KLF3: variants seen among roughly 807,000 people sequenced by gnomAD.
KLF3 encodes KLF transcription factor 3, also known as Krueppel-like factor 3.
A neutral mutation model predicts 32.7 loss-of-function variants in KLF3; 6 were observed. The ratio of observed to expected loss-of-function variants is 0.18; its 90% CI spans 0.10 to 0.36. The LOEUF (loss-of-function observed/expected upper bound fraction) is 0.36, where lower values mean the gene tolerates loss of function less well. KLF3 is among the 10% of genes least tolerant of loss of function. KLF3 has a pLI of 1.00. For missense variants in KLF3, 338 were observed against 449.7 expected (o/e 0.75, Z 2.25); for synonymous variants, 145 against 172.8 (o/e 0.84, Z 1.26).
At chr4:38,668,023 T>G (rs1722094110) in intron 1 of KLF3, among the ~76,000 whole-genome samples, 1 of 152,216 alleles carries the variant, frequency 6.6e-6, no homozygotes. Context: ...TTCCAACCCG[T>G]TTTTAAGAAT....
At chr4:38,689,707 C>G (rs776148630) in intron 3 of KLF3, 22 bp from the exon 4 acceptor site, 1 of 1,552,456 alleles carries the variant, frequency 6.4e-7, no homozygotes, top group Admixed American at 2.0e-5. Flanking sequence ...CGTGAAGTGA[C>G]TTTTCTATTT....
intron 4 of KLF3, 97 bp from the exon 5 acceptor site, chr4:38,694,649 T>A (rs946761999): frequency 9.6e-7 from 1 of 1,043,558 alleles, no homozygotes; most frequent in Non-Finnish European, 1.4e-6. Context: ...ATTTTTTGTT[T>A]GTTTGTTTTT....
intron 4 of KLF3, among the ~76,000 whole-genome samples, chr4:38,693,530 C>T (rs1408742691): frequency 6.6e-6 from 1 of 151,924 alleles, no homozygotes; most frequent in African/African-American, 2.4e-5. Flanking sequence ...TTCTTTTATT[C>T]TTTTTTTAAG....
chr4:38,678,365 C>T (rs1382588047), intron 1 of KLF3, among the ~76,000 whole-genome samples: 2 of 152,156 alleles, frequency 1.3e-5, no homozygotes, highest in Non-Finnish European at 2.9e-5. Context: ...GACACAAAAG[C>T]GTTTTCATCC....
intron 2 of KLF3, among the ~76,000 whole-genome samples, chr4:38,686,232 C>T (rs1210307541): frequency 4.0e-5 from 6 of 151,814 alleles, no homozygotes; most frequent in Non-Finnish European, 5.9e-5. Flanking sequence ...ATCACTTGAG[C>T]CCAAGAGTAC....
chr4:38,694,021 A>G (rs111540427), intron 4 of KLF3, among the ~76,000 whole-genome samples: 2 of 152,328 alleles, frequency 1.3e-5, no homozygotes, highest in African/African-American at 4.8e-5. Flanking sequence ...GTGAGCCAGC[A>G]TCATGGGTGA....
In KLF3 at chr4:38,694,804, G is replaced by A. The variant is rs1723001844; in HGVS notation, c.754G>A (p.Asp252Asn). The A allele has an allele frequency of 1.9e-6, 3 of 1,605,876 alleles. No homozygotes were observed. The highest frequency in any genetic ancestry group is 1.7e-5 in the Admixed American group (1 of 57,852). Residue 252 changes from aspartate (D) to asparagine (N), a missense_variant, in exon 5 of 6, where the codon GAT (aspartate) becomes AAT (asparagine). Asp to Asn is a conservative substitution (Grantham distance 23). This residue lies in a region of KLF3 where 66 missense variants were observed against 136.2 expected (regional missense o/e 0.48). Transcript: ENST00000261438. ...GAGACCTTTACCTGTGGAATCCCCG[G>A]ATACTCAAAGGAAGCGGAGGATACA... ...GKRPLPVESP[D>N]TQRKRRIHRC... is the part of the protein sequence containing the mutation.
intron 1 of KLF3, among the ~76,000 whole-genome samples, chr4:38,677,207 C>T (rs868666954): frequency 1.3e-4 from 20 of 152,032 alleles, no homozygotes; most frequent in East Asian, 1.9e-4. Context: ...GTGATCCACC[C>T]GCCTCGGCCT....
At chr4:38,665,613 T>A (rs1209051907) in intron 1 of KLF3, among the ~76,000 whole-genome samples, 5 of 152,238 alleles carry the variant, frequency 3.3e-5, no homozygotes, top group Non-Finnish European at 7.3e-5. Context: ...TACTCAGAAT[T>A]TATGTTTCCA....
At chr4:38,675,156 T>C (rs1722305596) in intron 1 of KLF3, among the ~76,000 whole-genome samples, 1 of 152,234 alleles carries the variant, frequency 6.6e-6, no homozygotes, top group African/African-American at 2.4e-5. Context: ...TTGACCCTTA[T>C]TTTAACATCT....
chr4:38,675,103 C>G (rs1399916123), intron 1 of KLF3, among the ~76,000 whole-genome samples: 1 of 152,202 alleles, frequency 6.6e-6, no homozygotes, highest in Non-Finnish European at 1.5e-5. Flanking sequence ...ATTCACCAAC[C>G]CTTTTAATCT....
intron 2 of KLF3, among the ~76,000 whole-genome samples, chr4:38,682,441 C>A (rs749395448): frequency 6.6e-6 from 1 of 152,170 alleles, no homozygotes; most frequent in Non-Finnish European, 1.5e-5. Context: ...TACATGATCA[C>A]GTTAGAGGAA....
At chr4:38,683,618 G>T (rs547202353) in intron 2 of KLF3, among the ~76,000 whole-genome samples, 21 of 150,430 alleles carry the variant, frequency 1.4e-4, no homozygotes, top group African/African-American at 4.6e-4. Flanking sequence ...AAAAAAATGC[G>T]CATGTACATA....
intron 1 of KLF3, among the ~76,000 whole-genome samples, chr4:38,676,789 A>G (rs1415677200): frequency 6.6e-6 from 1 of 152,118 alleles, no homozygotes; most frequent in Non-Finnish European, 1.5e-5. Flanking sequence ...AAAAATAGGT[A>G]TTCTAATCCT....
At chr4:38,683,226 A>G (rs1722581958) in intron 2 of KLF3, among the ~76,000 whole-genome samples, 1 of 152,224 alleles carries the variant, frequency 6.6e-6, no homozygotes, top group Non-Finnish European at 1.5e-5. Context: ...CATTTGTAAA[A>G]GTATTTTTAA....
At chr4:38,672,916 C>T (rs1208690644) in intron 1 of KLF3, among the ~76,000 whole-genome samples, 2 of 151,118 alleles carry the variant, frequency 1.3e-5, no homozygotes, top group Non-Finnish European at 3.0e-5. Flanking sequence ...TCTAGGTTTC[C>T]ATGGTGAAGG....
chr4:38,678,238 G>A (rs557292555), intron 1 of KLF3, among the ~76,000 whole-genome samples: 2 of 152,242 alleles, frequency 1.3e-5, no homozygotes, highest in South Asian at 4.1e-4. Flanking sequence ...ATTGATGTAA[G>A]CAGGAGATCT....
chr4:38,685,219 G>A (rs184892535), intron 2 of KLF3, among the ~76,000 whole-genome samples: 1 of 152,320 alleles, frequency 6.6e-6, no homozygotes, highest in Non-Finnish European at 1.5e-5. Flanking sequence ...GAAGCTGATT[G>A]CAAAAGCTTG....
chr4:38,684,618 T>A (rs1347552882), intron 2 of KLF3, among the ~76,000 whole-genome samples: 2 of 148,370 alleles, frequency 1.3e-5, no homozygotes, highest in Admixed American at 6.8e-5. Flanking sequence ...TGGAATGCAG[T>A]AGCAAGATCA....
Sources: gnomAD v4.1 joint callset for allele counts (sites outside exome capture counted in the v4.1 genomes callset) on GRCh38, gnomAD v4.1.1 for gene constraint, gnomAD v4.1.1 regional missense constraint, MANE v1.5 for transcripts, NCBI Gene and HGNC (gene_info 2026-07-23, HGNC 2026-07-21) for gene names.